TLL2: variants seen among roughly 807,000 people sequenced by gnomAD.
The protein encoded by TLL2 is tolloid-like protein 2.
A neutral mutation model predicts 123.0 loss-of-function variants in TLL2; 106 were observed. The ratio of observed to expected loss-of-function variants is 0.86; its 90% CI spans 0.74 to 1.01. TLL2 has a LOEUF of 1.01. Among genes scored for constraint, TLL2 ranks in the 50% least tolerant of loss-of-function variants. The pLI is 0.00. For synonymous variants in TLL2, 494 were observed against 516.8 expected (o/e 0.96, Z 0.60); for missense variants, 1,332 against 1,336.7 (o/e 1.00, Z 0.06).
At chr10:96,493,512 T>C (rs984024722) in intron 1 of TLL2, among the ~76,000 whole-genome samples, 7 of 150,834 alleles carry the variant, frequency 4.6e-5, no homozygotes, top group Non-Finnish European at 8.9e-5. Context: ...CCAGCTGGAG[T>C]GGGGGGCCCA....
chr10:96,474,752 A>G (rs1198471830), intron 2 of TLL2, among the ~76,000 whole-genome samples: 1 of 152,214 alleles, frequency 6.6e-6, no homozygotes, highest in African/African-American at 2.4e-5. Flanking sequence ...TGAGTGGCTT[A>G]CAACAGAACT....
intron 2 of TLL2, among the ~76,000 whole-genome samples, chr10:96,456,421 GAGA>G (rs1392995768): frequency 2.6e-5 from 4 of 152,172 alleles, no homozygotes; most frequent in South Asian, 2.1e-4. Flanking sequence ...AGCTGGCAAG[GAGA>G]AGAAGACAGA....
At chr10:96,464,171 G>A (rs1847107748) in intron 2 of TLL2, among the ~76,000 whole-genome samples, 1 of 152,098 alleles carries the variant, frequency 6.6e-6, no homozygotes, top group African/African-American at 2.4e-5. Flanking sequence ...GATTACTTGA[G>A]TCAGGAGTTC....
chr10:96,513,587 G>T lies in TLL2; in HGVS notation c.99C>A (p.Thr33=). 6.2e-7 allele frequency: 1 copy of T among 1,607,772 alleles called. No individual in the cohort carries two copies. The highest frequency in any genetic ancestry group is 1.1e-5 in the South Asian group (1 of 91,020). The change falls in exon 1 of 21, where the codon ACC becomes ACA. Residue 33 remains threonine, a synonymous_variant. Coordinates refer to ENST00000357947, the MANE Select transcript of TLL2 (RefSeq NM_012465.4). The part of the protein sequence containing the change: ...AGGLGERPDA[T]ADYSELDGEE... ...CGCCGTCCAGCTCTGAGTAGTCTGC[G>T]GTGGCGTCCGGGCGCTCCCCGAGTC...
chr10:96,395,737 G>A (rs1846333355), intron 12 of TLL2, 138 bp downstream of exon 12: 3 of 1,118,838 alleles, frequency 2.7e-6, no homozygotes, highest in Non-Finnish European at 3.8e-6. Flanking sequence ...CAGATGTCCG[G>A]GCACAATTCA....
rs750356401 is a variant in TLL2, at chr10:96,378,937, C to A, written c.2320+30G>T. On this transcript the variant is annotated intron_variant, in intron 17 of 20. Coordinates refer to ENST00000357947, the MANE Select transcript of TLL2 (RefSeq NM_012465.4). Reference sequence around the variant, plus strand: ...ATGGGGTGCGGCGAAGGGCAGCCCGCCCCCCCAACAACTGGAGGTCCAGCC... The same window carrying A: ...ATGGGGTGCGGCGAAGGGCAGCCCGACCCCCCAACAACTGGAGGTCCAGCC... 7 of 1,610,568 alleles carry A rather than the reference C, an allele frequency of 4.3e-6. No homozygotes were observed. The Admixed American group carries it at 8.3e-5, about 19-fold the overall frequency.
chr10:96,452,383 G>A (rs1245921665), intron 2 of TLL2, among the ~76,000 whole-genome samples: 2 of 152,202 alleles, frequency 1.3e-5, no homozygotes, highest in Non-Finnish European at 2.9e-5. Flanking sequence ...AGTCCAACGT[G>A]GCTGGAGCTG....
chr10:96,420,864 A>G, intron 7 of TLL2, 92 bp downstream of exon 7: 1 of 1,073,428 alleles, frequency 9.3e-7, no homozygotes, highest in Non-Finnish European at 1.4e-6. Flanking sequence ...AGAAGCATGC[A>G]GAGACCCACT....
chr10:96,432,285 C>A (rs1264523239), intron 4 of TLL2, among the ~76,000 whole-genome samples: 2 of 152,112 alleles, frequency 1.3e-5, no homozygotes, highest in African/African-American at 4.8e-5. Context: ...GGAACTGAGG[C>A]ACAGAGAGGC....
At chr10:96,421,164 C>T (rs931029911) in intron 6 of TLL2, 103 bp from the exon 7 acceptor site, 1 of 803,482 alleles carries the variant, frequency 1.2e-6, no homozygotes, top group African/African-American at 1.7e-5. Context: ...CCAGGGCTCT[C>T]TTGGCCCAAT....
chr10:96,441,630 T>A (rs1175307758), intron 3 of TLL2, among the ~76,000 whole-genome samples: 1 of 152,206 alleles, frequency 6.6e-6, no homozygotes, highest in African/African-American at 2.4e-5. Flanking sequence ...ATTTGCTACC[T>A]ACATGGCTTT....
chr10:96,376,844 C>T (rs199584202), intron 17 of TLL2, 25 bp from the exon 18 acceptor site: 1 of 1,501,270 alleles, frequency 6.7e-7, no homozygotes. Context: ...GGGACACATA[C>T]AAAGAGAGAA....
intron 2 of TLL2, among the ~76,000 whole-genome samples, chr10:96,459,656 C>A: frequency 1.1e-5 from 1 of 88,288 alleles, no homozygotes. Flanking sequence ...AGTGACAGAG[C>A]AAGATCCTGT....
chr10:96,512,409 G>C (rs1042893033), intron 1 of TLL2, among the ~76,000 whole-genome samples: 16 of 152,266 alleles, frequency 1.1e-4, no homozygotes, highest in African/African-American at 3.9e-4. Flanking sequence ...AACTGATAGA[G>C]GTTTCCAGGG....
At chr10:96,426,595 T>A (rs1475729127) in intron 5 of TLL2, among the ~76,000 whole-genome samples, 1 of 152,214 alleles carries the variant, frequency 6.6e-6, no homozygotes, top group African/African-American at 2.4e-5. Flanking sequence ...AAGTTCTTGG[T>A]CTGTACCAGT....
chr10:96,452,042 T>C (rs1846965646), intron 2 of TLL2, among the ~76,000 whole-genome samples: 1 of 152,262 alleles, frequency 6.6e-6, no homozygotes, highest in African/African-American at 2.4e-5. Flanking sequence ...ACTCCATTCA[T>C]TCAGTACGCC....
At chr10:96,442,076 C>T (rs2134085383) in intron 3 of TLL2, among the ~76,000 whole-genome samples, 2 of 152,306 alleles carry the variant, frequency 1.3e-5, no homozygotes, top group Middle Eastern at 6.8e-3. Flanking sequence ...TCATTAATCC[C>T]ATTATCAGCC....
At chr10:96,459,705 A>AAAAAAAAAAAAAT (rs1847058581) in intron 2 of TLL2, among the ~76,000 whole-genome samples, 1 of 38,042 alleles carries the variant, frequency 2.6e-5, no homozygotes, top group Non-Finnish European at 4.4e-5. Context: ...AAAAAAAAAA[A>AAAAAAAAAAAAAT]ATATATATAT....
chr10:96,408,282 C>T (rs1050966948), intron 9 of TLL2, among the ~76,000 whole-genome samples: 1 of 152,148 alleles, frequency 6.6e-6, no homozygotes, highest in African/African-American at 2.4e-5. Context: ...ATTTTAAGTA[C>T]ATTAGTGAAC....
Sources: gnomAD v4.1 joint callset for allele counts (sites outside exome capture counted in the v4.1 genomes callset) on GRCh38, gnomAD v4.1.1 for gene constraint, MANE v1.5 for transcripts, NCBI Gene and HGNC (gene_info 2026-07-23, HGNC 2026-07-21) for gene names.